SLC9A9: variants seen among roughly 807,000 people sequenced by gnomAD.
The protein encoded by SLC9A9 is solute carrier family 9 member A9, also known as sodium/hydrogen exchanger 9.
A neutral mutation model predicts 77.8 loss-of-function variants in SLC9A9; 62 were observed. That is an observed-to-expected ratio of 0.80 (90% CI 0.65 to 0.98). The LOEUF (loss-of-function observed/expected upper bound fraction) is 0.98. Among genes scored for constraint, SLC9A9 ranks in the 50% least tolerant of loss-of-function variants. The pLI, the probability that SLC9A9 is intolerant of heterozygous loss-of-function variation, is 0.00. For synonymous variants in SLC9A9, 320 were observed against 283.5 expected (o/e 1.13, Z -1.29); for missense variants, 775 against 774.9 (o/e 1.00, Z 0.00).
intron 12 of SLC9A9, among the ~76,000 whole-genome samples, chr3:143,400,979 T>C (rs1475188653): frequency 6.6e-6 from 1 of 152,186 alleles, no homozygotes; most frequent in East Asian, 1.9e-4. Context: ...TTTAATATTT[T>C]ACCCTTGGAT....
rs536389950 is a variant in SLC9A9 at position 143,682,805 on chromosome 3, C to T, written c.649+10387G>A. ...AGTCAGCAACATTATATCTTTCTGC[C>T]CTTTTCTTTTATAGCCACATCTTCC... On this transcript the variant is annotated intron_variant, in intron 5 of 15. Coordinates refer to ENST00000316549, the MANE Select transcript of SLC9A9 (RefSeq NM_173653.4). Among the ~76,000 whole-genome samples the T allele has an allele frequency of 2.6e-5, 4 of 152,212 alleles. No homozygotes were observed. In the South Asian group the frequency reaches 8.3e-4, roughly 32 times the overall value.
chr3:143,639,495 A>G (rs1430528797), intron 6 of SLC9A9, among the ~76,000 whole-genome samples: 2 of 152,192 alleles, frequency 1.3e-5, no homozygotes, highest in Non-Finnish European at 2.9e-5. Context: ...GCATCATGAC[A>G]AAAGTATACT....
chr3:143,511,165 G>C (rs921645689), intron 9 of SLC9A9, among the ~76,000 whole-genome samples: 1 of 152,196 alleles, frequency 6.6e-6, no homozygotes, highest in Non-Finnish European at 1.5e-5. Flanking sequence ...GGCTGGTGCA[G>C]TGGGGGTGGG....
chr3:143,504,021 T>C (rs2108598987), intron 9 of SLC9A9: 1 of 467,110 alleles, frequency 2.1e-6, no homozygotes, highest in Non-Finnish European at 4.2e-6. Context: ...CCCATTTGAC[T>C]GGGGTAGGAT....
chr3:143,393,744 C>T (rs199801413), intron 12 of SLC9A9, among the ~76,000 whole-genome samples: 5,689 of 151,422 alleles, frequency 0.038, 129 homozygotes, highest in Middle Eastern at 0.054. Flanking sequence ...ATCAAATAGA[C>T]GCAATAAAAA....
intron 12 of SLC9A9, among the ~76,000 whole-genome samples, chr3:143,415,623 A>G (rs1220088725): frequency 6.6e-6 from 1 of 152,210 alleles, no homozygotes; most frequent in African/African-American, 2.4e-5. Flanking sequence ...CTTTCAAAAC[A>G]TTGCTACTCA....
chr3:143,588,945 C>T (rs2037602280), intron 6 of SLC9A9, among the ~76,000 whole-genome samples: 1 of 152,108 alleles, frequency 6.6e-6, no homozygotes. Flanking sequence ...CCAAAGAATG[C>T]TGTCATATGC....
chr3:143,630,489 C>G (rs888873747), intron 6 of SLC9A9, among the ~76,000 whole-genome samples: 1 of 152,116 alleles, frequency 6.6e-6, no homozygotes, highest in Middle Eastern at 3.2e-3. Flanking sequence ...GAGCATAAAG[C>G]CTTTTCTTTT....
chr3:143,842,994 G>A (rs1409945392), intron 1 of SLC9A9, among the ~76,000 whole-genome samples: 1 of 151,970 alleles, frequency 6.6e-6, no homozygotes, highest in Non-Finnish European at 1.5e-5. Flanking sequence ...TTTTATAGAT[G>A]AGAAAAATAA....
chr3:143,287,704 C>T (rs1472156211), intron 14 of SLC9A9, among the ~76,000 whole-genome samples: 1 of 152,186 alleles, frequency 6.6e-6, no homozygotes, highest in Non-Finnish European at 1.5e-5. Context: ...AGCACCTTGT[C>T]CTTCAGTGCT....
At chr3:143,769,943 C>T (rs2007458861) in intron 4 of SLC9A9, among the ~76,000 whole-genome samples, 1 of 152,138 alleles carries the variant, frequency 6.6e-6, no homozygotes, top group African/African-American at 2.4e-5. Context: ...AGACGTGTAT[C>T]TGAATGCAAT....
chr3:143,548,765 T>A (rs1213451299), intron 9 of SLC9A9, among the ~76,000 whole-genome samples: 1 of 152,154 alleles, frequency 6.6e-6, no homozygotes, highest in South Asian at 2.1e-4. Flanking sequence ...ACAAAACATA[T>A]CTTAAAATGA....
chr3:143,817,315 A>G (rs1028624130), intron 2 of SLC9A9, among the ~76,000 whole-genome samples: 1 of 150,048 alleles, frequency 6.7e-6, no homozygotes, highest in African/African-American at 2.4e-5. Context: ...CGCCCGGCTA[A>G]TTTTTTGTAT....
chr3:143,716,746 C>G (rs757617107), intron 4 of SLC9A9, among the ~76,000 whole-genome samples: 1 of 152,152 alleles, frequency 6.6e-6, no homozygotes, highest in Admixed American at 6.5e-5. Context: ...ATCAAGATGA[C>G]GACCACAGGG....
intron 4 of SLC9A9, among the ~76,000 whole-genome samples, chr3:143,743,647 A>C (rs542345319): frequency 6.6e-6 from 1 of 152,142 alleles, no homozygotes; most frequent in Admixed American, 6.5e-5. Flanking sequence ...TGAGAGTGGC[A>C]GTCTTCCCCA....
chr3:143,394,770 C>A (rs2033684460), intron 12 of SLC9A9, among the ~76,000 whole-genome samples: 1 of 152,184 alleles, frequency 6.6e-6, no homozygotes, highest in Admixed American at 6.5e-5. Context: ...GATACAAAAT[C>A]AATGTGCAAA....
intron 8 of SLC9A9, among the ~76,000 whole-genome samples, chr3:143,566,783 G>A (rs979583783): frequency 6.6e-6 from 1 of 152,076 alleles, no homozygotes; most frequent in Non-Finnish European, 1.5e-5. Context: ...TGTCAATGTT[G>A]CCATTAGAAA....
At chr3:143,505,064 T>A (rs2035989055) in intron 9 of SLC9A9, among the ~76,000 whole-genome samples, 1 of 152,132 alleles carries the variant, frequency 6.6e-6, no homozygotes. Flanking sequence ...ACTCTGACCA[T>A]ATTTTTCCCA....
intron 2 of SLC9A9, among the ~76,000 whole-genome samples, chr3:143,807,323 T>G (rs2108868805): frequency 6.6e-6 from 1 of 152,318 alleles, no homozygotes; most frequent in Non-Finnish European, 1.5e-5. Context: ...CTGAGTTGAT[T>G]GTTGCAGTCC....
Sources: gnomAD v4.1 joint callset for allele counts (sites outside exome capture counted in the v4.1 genomes callset) on GRCh38, gnomAD v4.1.1 for gene constraint, MANE v1.5 for transcripts, NCBI Gene and HGNC (gene_info 2026-07-23, HGNC 2026-07-21) for gene names.